Variants in ZFP1 observed in about 807,000 individuals in gnomAD.
ZFP1 encodes zinc finger protein 1 homolog.
A neutral mutation model predicts 38.5 loss-of-function variants in ZFP1; 32 were observed. That is an observed-to-expected ratio of 0.83 (90% CI 0.63 to 1.12). ZFP1 has a LOEUF of 1.12. Ranked by LOEUF, ZFP1 falls within the 50% of genes most tolerant of loss-of-function variation. The pLI, the probability that ZFP1 is intolerant of heterozygous loss-of-function variation, is 0.00. For missense variants in ZFP1, 616 were observed against 480.8 expected, an observed-to-expected ratio of 1.28 and a Z score of -2.63; for synonymous variants, 245 against 168.8, an observed-to-expected ratio of 1.45 and a Z score of -3.50.
At chr16:75,150,727 T>C (rs2037155983) in intron 1 of ZFP1, among the ~76,000 whole-genome samples, 1 of 151,866 alleles carries the variant, frequency 6.6e-6, no homozygotes, top group African/African-American at 2.4e-5. Flanking sequence ...ACCAGGCCTG[T>C]TGTAGTTTGT....
chr16:75,170,429 T>C lies in ZFP1; in HGVS notation c.*95T>C. The C allele has an allele frequency of 7.0e-7, 1 of 1,428,260 alleles. No homozygotes were observed. Among genetic ancestry groups the C allele is most frequent in the Non-Finnish European group, 9.2e-7 (1 of 1,085,668 alleles). The allele number at this position is 1,428,260 out of a possible 1,614,324, so 88.5% of individuals were successfully genotyped here. The stretch of plus-strand genomic sequence containing the variant: ...AGTATTGAGGGAACATGGGAATTCA[T>C]ACTGAGATGCAATCTCTCAACTCAA... On this transcript the variant is annotated 3_prime_UTR_variant, in exon 4 of 4. Coordinates refer to ENST00000570010, the MANE Select transcript of ZFP1 (RefSeq NM_153688.4).
At chr16:75,168,739 A>G (rs1272563153) in intron 3 of ZFP1, among the ~76,000 whole-genome samples, 1 of 152,222 alleles carries the variant, frequency 6.6e-6, no homozygotes, top group African/African-American at 2.4e-5. Flanking sequence ...GTAAAGATGA[A>G]CAGTAGAAAA....
intron 3 of ZFP1, among the ~76,000 whole-genome samples, chr16:75,168,774 G>T (rs2038245063): frequency 6.6e-6 from 1 of 152,166 alleles, no homozygotes; most frequent in Non-Finnish European, 1.5e-5. Flanking sequence ...TTAGAACTAT[G>T]CAGACTGGTG....
chr16:75,136,864 C>G, the ZFP1 span, among the ~76,000 whole-genome samples: 1 of 150,386 alleles, frequency 6.6e-6, no homozygotes, highest in Non-Finnish European at 1.5e-5. Flanking sequence ...GAGCAAGACC[C>G]TGTCTCAAAA....
At chr16:75,160,955 G>T (rs938051308) in intron 2 of ZFP1, among the ~76,000 whole-genome samples, 3 of 152,112 alleles carry the variant, frequency 2.0e-5, no homozygotes, top group African/African-American at 7.2e-5. Flanking sequence ...CTTAATTGGG[G>T]ATTAAGTTTC....
chr16:75,131,014 C>T, the ZFP1 span, among the ~76,000 whole-genome samples: 23 of 152,236 alleles, frequency 1.5e-4, no homozygotes, highest in Admixed American at 4.6e-4. Context: ...TTTCCTATAT[C>T]CCGCTTCCTC....
intron 2 of ZFP1, among the ~76,000 whole-genome samples, chr16:75,161,457 T>G (rs1315544697): frequency 1.3e-5 from 2 of 151,734 alleles, no homozygotes; most frequent in Non-Finnish European, 2.9e-5. Flanking sequence ...AGATGCCTTT[T>G]GGTAATTGTA....
At chr16:75,136,399 C>T in the ZFP1 span, among the ~76,000 whole-genome samples, 2 of 152,116 alleles carry the variant, frequency 1.3e-5, no homozygotes, top group African/African-American at 4.8e-5. Context: ...TATACTGGAA[C>T]AATAGTCAAT....
chr16:75,134,282 T>C, the ZFP1 span, among the ~76,000 whole-genome samples: 1 of 152,214 alleles, frequency 6.6e-6, no homozygotes, highest in African/African-American at 2.4e-5. Flanking sequence ...AAAAATTTTT[T>C]TAATTCTAAT....
At chr16:75,126,967 G>A in the ZFP1 span, among the ~76,000 whole-genome samples, 1 of 152,110 alleles carries the variant, frequency 6.6e-6, no homozygotes, top group Non-Finnish European at 1.5e-5. Flanking sequence ...CTATAAATAT[G>A]TTATTGGTAT....
At chr16:75,127,770 T>C in the ZFP1 span, 1 of 152,186 alleles carries the variant, frequency 6.6e-6, no homozygotes, top group Non-Finnish European at 1.5e-5. Flanking sequence ...CTAATAGAAG[T>C]CTGAAGTAAT....
At chr16:75,148,682 G>A (rs967691417) in intron 1 of ZFP1, 39 bp downstream of exon 1, 3 of 152,284 alleles carry the variant, frequency 2.0e-5, no homozygotes, top group Admixed American at 6.5e-5. Context: ...CGCGGCCTGG[G>A]GCCGAGGGGA....
intron 2 of ZFP1, among the ~76,000 whole-genome samples, chr16:75,155,442 T>C (rs1336713588): frequency 6.6e-6 from 1 of 152,222 alleles, no homozygotes; most frequent in Admixed American, 6.5e-5. Context: ...AGCCCAATTA[T>C]GTGTTTTTTA....
chr16:75,170,232 C>T lies in ZFP1; in HGVS notation c.1122C>T (p.His374=), dbSNP rs781203952. The T allele has an allele frequency of 8.2e-5, 133 of 1,614,012 alleles. No individual in the cohort carries two copies. The highest frequency in any genetic ancestry group is 1.1e-4 in the Non-Finnish European group (130 of 1,180,028). The change falls in exon 4 of 4, where the codon CAC becomes CAT. Residue 374 remains histidine, a synonymous_variant. Coordinates refer to ENST00000570010, the MANE Select transcript of ZFP1 (RefSeq NM_153688.4). ...CTCTTAGATTACACTTGCGAATCCA[C>T]ACAGGAGAGAAACCATATGAGTGTT... ...RSTLRLHLRI[H]TGEKPYECSE...
At chr16:75,150,018 C>T (rs1430795853) in intron 1 of ZFP1, among the ~76,000 whole-genome samples, 1 of 151,456 alleles carries the variant, frequency 6.6e-6, no homozygotes, top group Non-Finnish European at 1.5e-5. Context: ...CTCTTGACCT[C>T]AAGTGATTCT....
At chr16:75,160,855 T>C (rs2037735343) in intron 2 of ZFP1, among the ~76,000 whole-genome samples, 1 of 151,944 alleles carries the variant, frequency 6.6e-6, no homozygotes, top group Non-Finnish European at 1.5e-5. Flanking sequence ...ACTCCTTTCA[T>C]CAAGCCCCGT....
chr16:75,147,597 A>G (rs1356832770), upstream of ZFP1, among the ~76,000 whole-genome samples: 1 of 151,936 alleles, frequency 6.6e-6, no homozygotes, highest in Non-Finnish European at 1.5e-5. Flanking sequence ...AGGTGCTGAT[A>G]TTTAACTGTA....
chr16:75,133,068 G>T, the ZFP1 span, among the ~76,000 whole-genome samples: 1 of 151,402 alleles, frequency 6.6e-6, no homozygotes, highest in Admixed American at 6.6e-5. Context: ...ACCTCTACCT[G>T]CTGGGTTCAA....
intron 3 of ZFP1, among the ~76,000 whole-genome samples, chr16:75,167,807 T>A (rs2038179813): frequency 6.6e-6 from 1 of 152,074 alleles, no homozygotes; most frequent in Non-Finnish European, 1.5e-5. Flanking sequence ...GTAGAACTCC[T>A]GACCCCAGGC....
Sources: allele counts gnomAD v4.1 joint callset (sites outside exome capture counted in the v4.1 genomes callset), GRCh38; gene constraint gnomAD v4.1.1; transcripts MANE v1.5; gene names NCBI Gene and HGNC (gene_info 2026-07-23, HGNC 2026-07-21).